RYR2: variants seen among roughly 807,000 people sequenced by gnomAD.
The protein encoded by RYR2 is cardiac muscle ryanodine receptor-calcium release channel.
RYR2 carries 227 observed loss-of-function variants against 601.1 expected under a neutral mutation model. That is an observed-to-expected ratio of 0.38 (90% CI 0.34 to 0.42). The LOEUF is 0.42. RYR2 is among the 10% of genes least tolerant of loss of function. RYR2 has a pLI of 1.00. For missense variants in RYR2, 4,646 were observed against 6,156.5 expected, an observed-to-expected ratio of 0.75 and a Z score of 8.21; for synonymous variants, 2,223 against 2,175.1, an observed-to-expected ratio of 1.02 and a Z score of -0.61.
chr1:237,430,390 A>G (rs750444794), intron 12 of RYR2, among the ~76,000 whole-genome samples: 4 of 151,914 alleles, frequency 2.6e-5, no homozygotes, highest in Non-Finnish European at 5.9e-5. Context: ...ATAGATTTTA[A>G]TGTAATCTAT....
intron 29 of RYR2, among the ~76,000 whole-genome samples, chr1:237,582,241 T>G (rs1405169444): frequency 6.6e-6 from 1 of 151,482 alleles, no homozygotes; most frequent in African/African-American, 2.4e-5. Flanking sequence ...TAGCTGGGAT[T>G]ACAGGCACTG....
intron 1 of RYR2, among the ~76,000 whole-genome samples, chr1:237,089,432 C>T (rs973396165): frequency 6.6e-6 from 1 of 152,088 alleles, no homozygotes; most frequent in Non-Finnish European, 1.5e-5. Flanking sequence ...TTTGTTCAGT[C>T]TAGTACTAGT....
chr1:237,167,387 T>C (rs1427000810), intron 1 of RYR2, among the ~76,000 whole-genome samples: 1 of 152,200 alleles, frequency 6.6e-6, no homozygotes, highest in African/African-American at 2.4e-5. Flanking sequence ...GTCCCACTCT[T>C]CTTAGAGGGC....
At chr1:237,598,962 AC>A (rs145336234) in intron 34 of RYR2, among the ~76,000 whole-genome samples, 2,966 of 152,230 alleles carry the variant, frequency 0.019, 45 homozygotes, top group Non-Finnish European at 0.03. Flanking sequence ...TACAACCTAT[AC>A]CACAGAAATA....
At chr1:237,764,536 C>A (rs1403198398) in intron 84 of RYR2, among the ~76,000 whole-genome samples, 1 of 151,652 alleles carries the variant, frequency 6.6e-6, no homozygotes, top group Non-Finnish European at 1.5e-5. Flanking sequence ...GCAACCTCCA[C>A]TTCCCGGGTT....
chr1:237,166,566 A>G (rs537749637), intron 1 of RYR2, among the ~76,000 whole-genome samples: 3 of 152,326 alleles, frequency 2.0e-5, no homozygotes, highest in African/African-American at 7.2e-5. Context: ...GCATGAACAT[A>G]ACAAAGTTAG....
At position 237,833,271 on chromosome 1, in the gene RYR2, C is replaced by CACTT. The variant is rs1664012125; in HGVS notation, c.*626_*629dup. ...GGGGGAGGGTAAGAAAAGCAGTTTG[C>CACTT]ACTTAAAAAGAAAAAAAAAAAACGG... On this transcript the variant is annotated 3_prime_UTR_variant, in exon 105 of 105. Transcript: ENST00000366574. The CACTT allele has an allele frequency of 8.9e-6, 1 of 112,886 alleles. No homozygotes were observed. The highest frequency in any genetic ancestry group is 4.2e-5 in the African/African-American group (1 of 23,994). 7.0% of individuals were successfully genotyped at this position (112,886 alleles called of 1,614,324 possible). A position where few individuals can be genotyped will look rare whatever the true frequency, so the allele number is the denominator to read the frequency against.
intron 1 of RYR2, among the ~76,000 whole-genome samples, chr1:237,174,036 G>A (rs943028466): frequency 1.1e-4 from 16 of 145,108 alleles, no homozygotes; most frequent in Admixed American, 4.3e-4. Flanking sequence ...CAGCCTGGGC[G>A]ACAGGGCAAG....
At chr1:237,122,228 T>G (rs142022402) in intron 1 of RYR2, among the ~76,000 whole-genome samples, 1 of 152,352 alleles carries the variant, frequency 6.6e-6, no homozygotes, top group East Asian at 1.9e-4. Context: ...GCCACATCAG[T>G]GGTGAAGTCC....
rs149514924 is a variant in RYR2 at position 237,548,562 on chromosome 1, G to A, written c.3038G>A (p.Arg1013Gln). The A allele has an allele frequency of 1.4e-3, 2,315 of 1,613,962 alleles. 10 individuals carry two copies. The highest frequency in any genetic ancestry group is 1.9e-3 in the Non-Finnish European group (2,218 of 1,179,866). Residue 1013 changes from arginine to glutamine, a missense_variant, in exon 26 of 105, where the codon CGG (arginine) becomes CAG (glutamine). By Grantham distance (43) the Arg-to-Gln change is conservative (BLOSUM62 1). Around this residue, in one of 17 missense-constraint regions of RYR2, gnomAD observed 1,807 missense variants for 2,088.1 expected, o/e 0.87. Transcript: ENST00000366574. ...AATGTGTGGGCGCGGGATCGAATCC[G>A]GCAGGGCTGGACTTATGGCATCCAA... ...AHNVWARDRI[R>Q]QGWTYGIQQD...
intron 22 of RYR2, among the ~76,000 whole-genome samples, 193 bp from the exon 23 acceptor site, chr1:237,506,517 G>A (rs1157128091): frequency 6.7e-6 from 1 of 149,994 alleles, no homozygotes; most frequent in East Asian, 1.9e-4. Context: ...CAGCCTGGGC[G>A]ACAGAGTGAG....
intron 1 of RYR2, among the ~76,000 whole-genome samples, chr1:237,177,100 A>G (rs187147502): frequency 1.2e-4 from 18 of 152,328 alleles, no homozygotes; most frequent in Non-Finnish European, 2.2e-4. Context: ...ACCTCATAAG[A>G]CATGGAGCCT....
At chr1:237,373,272 T>C (rs1700780531) in intron 6 of RYR2, among the ~76,000 whole-genome samples, 1 of 152,320 alleles carries the variant, frequency 6.6e-6, no homozygotes, top group Non-Finnish European at 1.5e-5. Flanking sequence ...GGCTATAACC[T>C]TGGGAGCCAT....
In RYR2 at chr1:237,364,358, A is replaced by C. The variant is rs1172697175; in HGVS notation, c.295A>C (p.Lys99Gln). ...CTCTCTTTTCCTTATGCCCCTACAGAAATTCATGATGAAGGTAAGACATCT... is the reference window on the plus strand; with the variant it reads ...CTCTCTTTTCCTTATGCCCCTACAGCAATTCATGATGAAGGTAAGACATCT... ...SEGQVDVEKW[K>Q]FMMKTAQGGG... The change falls in exon 5 of 105, where the codon AAA becomes CAA. Residue 99 changes from lysine to glutamine, a missense_variant and splice_region_variant. Around this residue, in one of 17 missense-constraint regions of RYR2, gnomAD observed 153 missense variants for 203.6 expected, o/e 0.75. Transcript: ENST00000366574. The C allele has an allele frequency of 1.3e-6, 2 of 1,574,912 alleles. No homozygotes were observed. The highest frequency in any genetic ancestry group is 2.7e-5 in the African/African-American group (2 of 73,782).
intron 47 of RYR2, 69 bp from the exon 48 acceptor site, chr1:237,643,258 G>A (rs1041704071): frequency 3.2e-6 from 5 of 1,573,164 alleles, no homozygotes; most frequent in Non-Finnish European, 4.3e-6. Flanking sequence ...CAATACTTCA[G>A]ATTTCCTAGA....
intron 3 of RYR2, chr1:237,333,630 T>C: frequency 2.2e-6 from 1 of 456,104 alleles, no homozygotes; most frequent in Non-Finnish European, 4.4e-6. Context: ...ATATCATGTC[T>C]GATGATATGT....
intron 56 of RYR2, among the ~76,000 whole-genome samples, chr1:237,664,918 A>G (rs779997514): frequency 2.6e-5 from 4 of 152,326 alleles, no homozygotes; most frequent in Non-Finnish European, 5.9e-5. Flanking sequence ...CTACAACTGT[A>G]TGGGAACTAT....
intron 2 of RYR2, among the ~76,000 whole-genome samples, chr1:237,305,199 T>G (rs533766236): frequency 6.6e-6 from 1 of 152,252 alleles, no homozygotes; most frequent in South Asian, 2.1e-4. Context: ...ATAAGAGTAT[T>G]TGTTGCAGTA....
rs527336596 is a variant in RYR2 at position 237,386,966 on chromosome 1, C to T, written c.577-315C>T. ...AAACCTAATTATAATTTTAAGTGCT[C>T]ATTTTGTTCATCAACCATCGTTAAA... On this transcript the variant is annotated intron_variant, in intron 8 of 104. Coordinates refer to ENST00000366574, the MANE Select transcript of RYR2 (RefSeq NM_001035.3). Among the ~76,000 whole-genome samples, 31 of 152,312 alleles carry T rather than the reference C, an allele frequency of 2.0e-4. 2 individuals carry two copies. In the South Asian group the frequency reaches 6.0e-3, roughly 30 times the overall value.
Sources: allele counts gnomAD v4.1 joint callset (sites outside exome capture counted in the v4.1 genomes callset), GRCh38; gene constraint gnomAD v4.1.1; regional missense constraint gnomAD v4.1.1; transcripts MANE v1.5; gene names NCBI Gene and HGNC (gene_info 2026-07-23, HGNC 2026-07-21).